Variants in MRPS28 observed in about 807,000 individuals in gnomAD.
MRPS28 encodes the protein mitochondrial ribosomal protein S28.
Under a neutral mutation model 10.8 loss-of-function variants are expected in MRPS28, and 7 were observed. The observed-to-expected ratio is 0.65, with a 90% CI of 0.37 to 1.22. The LOEUF (loss-of-function observed/expected upper bound fraction) is 1.22. MRPS28 is among the 50% of genes most tolerant of loss of function. The pLI, the probability that MRPS28 is intolerant of heterozygous loss-of-function variation, is 0.02. For synonymous variants in MRPS28, 121 were observed against 93.3 expected (o/e 1.30, Z -1.71); for missense variants, 265 against 232.9 (o/e 1.14, Z -0.90).
chr8:80,009,834 A>G (rs1808982846), intron 1 of MRPS28, among the ~76,000 whole-genome samples: 1 of 152,102 alleles, frequency 6.6e-6, no homozygotes, highest in East Asian at 1.9e-4. Context: ...TATTCCTAGC[A>G]CTGACCATCT....
chr8:79,989,824 A>G (rs545095745), intron 2 of MRPS28, among the ~76,000 whole-genome samples: 14 of 152,290 alleles, frequency 9.2e-5, no homozygotes, highest in Admixed American at 2.6e-4. Flanking sequence ...CTAATTTCTC[A>G]TATTTCCAAT....
intron 1 of MRPS28, chr8:80,028,737 G>A (rs1410315764): frequency 2.0e-5 from 3 of 146,500 alleles, no homozygotes; most frequent in Non-Finnish European, 4.4e-5. Context: ...GCCAACGCAG[G>A]AGGATCACTT....
At chr8:80,005,629 T>C (rs984865416) in intron 1 of MRPS28, among the ~76,000 whole-genome samples, 3 of 152,150 alleles carry the variant, frequency 2.0e-5, no homozygotes, top group Non-Finnish European at 4.4e-5. Context: ...AATTCACACA[T>C]AACAATACTA....
At chr8:79,983,197 A>T (rs1034055407) in intron 2 of MRPS28, among the ~76,000 whole-genome samples, 4 of 152,182 alleles carry the variant, frequency 2.6e-5, no homozygotes, top group African/African-American at 9.7e-5. Flanking sequence ...ACTCCAACAG[A>T]CCTGCAGCTG....
In MRPS28 at chr8:79,935,192, T is replaced by C. The variant is rs374223520; in HGVS notation, c.396-16044A>G. On this transcript the variant is annotated intron_variant, in intron 2 of 2. Coordinates refer to ENST00000276585, the MANE Select transcript of MRPS28 (RefSeq NM_014018.3). ...GATACTTTCCCATCACTGCAGCAAT[T>C]CCCACCACAGGCAACACTTTGTCCC... 1.2e-4 allele frequency among the ~76,000 whole-genome samples: 18 copies of C among 152,284 alleles called. No individual in the cohort carries two copies. The East Asian group carries it at 2.5e-3, about 21-fold the overall frequency.
At chr8:80,012,514 G>A (rs1440231493) in intron 1 of MRPS28, among the ~76,000 whole-genome samples, 1 of 152,178 alleles carries the variant, frequency 6.6e-6, no homozygotes, top group Non-Finnish European at 1.5e-5. Flanking sequence ...AGACTGCAGA[G>A]ACTGGAAGCA....
intron 2 of MRPS28, among the ~76,000 whole-genome samples, chr8:79,939,737 G>A (rs886716904): frequency 3.9e-5 from 6 of 152,038 alleles, no homozygotes; most frequent in African/African-American, 7.2e-5. Context: ...TTGGGAGGCC[G>A]AGGCAGGCGG....
At chr8:79,951,151 C>G (rs1034557004) in intron 2 of MRPS28, among the ~76,000 whole-genome samples, 1 of 152,164 alleles carries the variant, frequency 6.6e-6, no homozygotes, top group Non-Finnish European at 1.5e-5. Context: ...ACTTGAAACT[C>G]TTAATAATTT....
chr8:80,029,830 C>A, intron 1 of MRPS28: 1 of 1,533,320 alleles, frequency 6.5e-7, no homozygotes, highest in South Asian at 1.2e-5. Flanking sequence ...ACGCAAATGC[C>A]ACACAAAAGG....
intron 2 of MRPS28, among the ~76,000 whole-genome samples, chr8:79,931,721 T>C (rs1050275572): frequency 2.6e-5 from 4 of 152,232 alleles, no homozygotes; most frequent in African/African-American, 7.2e-5. Flanking sequence ...AGCTACTCTC[T>C]GTCATAAAGT....
rs534162661 is a variant in MRPS28, at chr8:79,931,193, T to C, written c.396-12045A>G. Among the ~76,000 whole-genome samples the C allele has an allele frequency of 5.9e-5, 9 of 152,342 alleles. No homozygotes were observed. The South Asian group carries it at 1.0e-3, about 18-fold the overall frequency. On this transcript the variant is annotated intron_variant, in intron 2 of 2. Transcript: ENST00000276585. ...GTCTTCACCATTAAGAAGGAATTAG[T>C]AGTTCCTAATAGAAACTCTAACTTT...
intron 1 of MRPS28, among the ~76,000 whole-genome samples, chr8:80,007,378 C>T (rs1018165428): frequency 6.6e-6 from 1 of 152,204 alleles, no homozygotes; most frequent in Non-Finnish European, 1.5e-5. Context: ...GGGATGCCCT[C>T]TCTCACCACT....
intron 2 of MRPS28, among the ~76,000 whole-genome samples, chr8:79,973,459 C>T (rs1403333343): frequency 1.3e-5 from 2 of 151,898 alleles, no homozygotes; most frequent in Non-Finnish European, 2.9e-5. Context: ...TTGAGCACAG[C>T]CTGGGCAACA....
chr8:80,029,813 G>A (rs1360370430), intron 1 of MRPS28: 7 of 1,528,906 alleles, frequency 4.6e-6, no homozygotes, highest in Non-Finnish European at 6.1e-6. Flanking sequence ...GACAGACCCG[G>A]CCCAGTACGC....
chr8:79,919,732 T>C (rs1035503953), intron 2 of MRPS28, among the ~76,000 whole-genome samples: 1 of 152,228 alleles, frequency 6.6e-6, no homozygotes, highest in African/African-American at 2.4e-5. Context: ...CTTTAATTTG[T>C]CAATTAAAGT....
chr8:79,926,178 C>CA (rs1810231344), intron 2 of MRPS28, among the ~76,000 whole-genome samples: 1 of 152,004 alleles, frequency 6.6e-6, no homozygotes, highest in East Asian at 1.9e-4. Flanking sequence ...TAAATGCTTT[C>CA]AGGTACCTGA....
intron 2 of MRPS28, among the ~76,000 whole-genome samples, chr8:79,930,309 A>G (rs1333560930): frequency 1.3e-5 from 2 of 152,162 alleles, no homozygotes; most frequent in African/African-American, 4.8e-5. Context: ...CTATATGAGG[A>G]CACATGGAGC....
chr8:79,937,332 T>C lies in MRPS28; in HGVS notation c.396-18184A>G, dbSNP rs575223180. ...TTCCCTTGAAAATCACGTAAAATTT[T>C]ACCAAAAAACTGTAATAAGAAACAA... On this transcript the variant is annotated intron_variant, in intron 2 of 2. Coordinates refer to ENST00000276585, the MANE Select transcript of MRPS28 (RefSeq NM_014018.3). 3.9e-4 allele frequency among the ~76,000 whole-genome samples: 60 copies of C among 152,304 alleles called. No individual in the cohort carries two copies. In the South Asian group the frequency reaches 0.012, roughly 30 times the overall value.
intron 2 of MRPS28, among the ~76,000 whole-genome samples, 178 bp downstream of exon 2, chr8:80,002,821 T>A (rs1383462371): frequency 6.6e-6 from 1 of 152,208 alleles, no homozygotes; most frequent in Admixed American, 6.5e-5. Context: ...AAGATATGAG[T>A]CTGGCCTGAC....
Sources: allele counts gnomAD v4.1 joint callset (sites outside exome capture counted in the v4.1 genomes callset), GRCh38; gene constraint gnomAD v4.1.1; transcripts MANE v1.5; gene names NCBI Gene and HGNC (gene_info 2026-07-23, HGNC 2026-07-21).